Variants in LDLRAD4 observed in about 807,000 individuals in gnomAD.
The protein encoded by LDLRAD4 is low-density lipoprotein receptor class A domain-containing protein 4.
A neutral mutation model predicts 17.0 loss-of-function variants in LDLRAD4; 5 were observed. The observed-to-expected ratio is 0.29, with a 90% CI of 0.15 to 0.62. LDLRAD4 has a LOEUF of 0.62. LDLRAD4 is among the 20% of genes least tolerant of loss of function. LDLRAD4 has a pLI of 0.84. For synonymous variants in LDLRAD4, 168 were observed against 171.8 expected (o/e 0.98, Z 0.17); for missense variants, 340 against 424.7 (o/e 0.80, Z 1.75).
chr18:13,554,186 C>T (rs1012323514), intron 3 of LDLRAD4, among the ~76,000 whole-genome samples: 4 of 152,168 alleles, frequency 2.6e-5, no homozygotes, highest in Non-Finnish European at 4.4e-5. Context: ...ATAAGAAGTA[C>T]AAGCATTAAA....
intron 3 of LDLRAD4, among the ~76,000 whole-genome samples, chr18:13,511,051 A>T (rs1269128378): frequency 6.6e-6 from 1 of 152,176 alleles, no homozygotes; most frequent in African/African-American, 2.4e-5. Flanking sequence ...TGGGAGCAAC[A>T]TTCTTCAAGC....
At chr18:13,487,332 G>A (rs2093251316) in intron 3 of LDLRAD4, 1 of 152,432 alleles carries the variant, frequency 6.6e-6, no homozygotes, top group South Asian at 2.1e-4. Flanking sequence ...GGCCCTTGCT[G>A]TTGGGTCGGG....
At chr18:13,529,434 G>GA (rs1056974205) in intron 3 of LDLRAD4, among the ~76,000 whole-genome samples, 1 of 152,196 alleles carries the variant, frequency 6.6e-6, no homozygotes, top group African/African-American at 2.4e-5. Context: ...AGTAGAAAAT[G>GA]AAAAAATGCA....
intron 2 of LDLRAD4, among the ~76,000 whole-genome samples, chr18:13,430,827 C>A (rs546762954): frequency 4.6e-5 from 7 of 152,342 alleles, no homozygotes; most frequent in African/African-American, 1.2e-4. Flanking sequence ...CCAGCCCCCT[C>A]GCTGACGTCA....
chr18:13,443,931 C>A (rs1277585658), intron 3 of LDLRAD4, among the ~76,000 whole-genome samples: 1 of 152,194 alleles, frequency 6.6e-6, no homozygotes, highest in African/African-American at 2.4e-5. Flanking sequence ...CGCCTCGGTA[C>A]AGCTCTTCCA....
chr18:13,469,062 A>C (rs1036395029), intron 3 of LDLRAD4, among the ~76,000 whole-genome samples: 1 of 152,166 alleles, frequency 6.6e-6, no homozygotes, highest in African/African-American at 2.4e-5. Flanking sequence ...CAAACACAAA[A>C]ATGGGCAAAG....
chr18:13,581,047 T>C (rs763736846), intron 3 of LDLRAD4, among the ~76,000 whole-genome samples: 3 of 152,230 alleles, frequency 2.0e-5, no homozygotes, highest in Non-Finnish European at 4.4e-5. Context: ...AATATTTGCA[T>C]ATACAGAATG....
intron 3 of LDLRAD4, among the ~76,000 whole-genome samples, chr18:13,550,163 A>G (rs919980085): frequency 6.6e-6 from 1 of 152,326 alleles, no homozygotes; most frequent in Admixed American, 6.5e-5. Flanking sequence ...CCACAACATG[A>G]CAATGTAAGT....
chr18:13,291,785 G>A (rs2045976964), intron 1 of LDLRAD4, among the ~76,000 whole-genome samples: 1 of 152,134 alleles, frequency 6.6e-6, no homozygotes, highest in South Asian at 2.1e-4. Flanking sequence ...ATTTTCTCTT[G>A]CATTCTTGAG....
chr18:13,594,464 C>T lies in LDLRAD4; in HGVS notation c.182-26653C>T, dbSNP rs376000885. Among the ~76,000 whole-genome samples, 49 of 151,846 alleles carry T rather than the reference C, an allele frequency of 3.2e-4. No individual in the cohort carries two copies. The South Asian group carries it at 8.7e-3, about 27-fold the overall frequency. On this transcript the variant is annotated intron_variant, in intron 3 of 5. Transcript: ENST00000359446. ...CCAGCACTTTGGAGGCCAAGGCGGACGGATCACTTAAGGCCAGCATGGTGA... is the reference window on the plus strand; with the variant it reads ...CCAGCACTTTGGAGGCCAAGGCGGATGGATCACTTAAGGCCAGCATGGTGA...
intron 3 of LDLRAD4, among the ~76,000 whole-genome samples, chr18:13,482,734 G>A (rs1256220309): frequency 6.6e-6 from 1 of 152,230 alleles, no homozygotes; most frequent in Non-Finnish European, 1.5e-5. Flanking sequence ...GGCCCTGGGG[G>A]AGGTAGTGAC....
intron 1 of LDLRAD4, among the ~76,000 whole-genome samples, chr18:13,370,715 T>TTTTTTTTTCGTTTG: frequency 8.3e-6 from 1 of 121,004 alleles, no homozygotes; most frequent in South Asian, 2.6e-4. Flanking sequence ...TTTGTTTTGT[T>TTTTTTTTTCGTTTG]TTTTTTTTTT....
At chr18:13,649,196 C>G (rs2043138186) in exon 6 of LDLRAD4, 1 of 152,242 alleles carries the variant, frequency 6.6e-6, no homozygotes, top group Admixed American at 6.5e-5. Context: ...CCTCCTGACA[C>G]CAGCAGAGGA....
chr18:13,439,508 C>T (rs1410962475), intron 3 of LDLRAD4, among the ~76,000 whole-genome samples: 1 of 152,246 alleles, frequency 6.6e-6, no homozygotes, highest in South Asian at 2.1e-4. Context: ...AGTCCCATCT[C>T]TATACTTTGC....
chr18:13,397,410 C>T (rs756799333), intron 2 of LDLRAD4, among the ~76,000 whole-genome samples: 3 of 152,178 alleles, frequency 2.0e-5, no homozygotes, highest in Non-Finnish European at 2.9e-5. Context: ...CCCAAACTGA[C>T]TTTTGTTTTT....
chr18:13,292,232 A>G (rs2046003959), intron 1 of LDLRAD4, among the ~76,000 whole-genome samples: 1 of 152,146 alleles, frequency 6.6e-6, no homozygotes, highest in Admixed American at 6.5e-5. Flanking sequence ...GCACGTGGCA[A>G]ACAGCAGCAC....
chr18:13,623,834 G>A (rs1004179262), intron 4 of LDLRAD4, among the ~76,000 whole-genome samples: 2 of 152,120 alleles, frequency 1.3e-5, no homozygotes, highest in South Asian at 2.1e-4. Context: ...ATGCCCCCAC[G>A]CAGCCAGGCT....
At chr18:13,639,397 T>G (rs1463544853) in intron 4 of LDLRAD4, among the ~76,000 whole-genome samples, 1 of 152,148 alleles carries the variant, frequency 6.6e-6, no homozygotes, top group Non-Finnish European at 1.5e-5. Context: ...AGTCACAGAG[T>G]CACACCCTCG....
intron 1 of LDLRAD4, among the ~76,000 whole-genome samples, chr18:13,318,078 C>T (rs2081024541): frequency 6.6e-6 from 1 of 152,158 alleles, no homozygotes; most frequent in African/African-American, 2.4e-5. Context: ...CGGTCCCTCG[C>T]TTCCTGTCCT....
Sources: allele counts gnomAD v4.1 joint callset (sites outside exome capture counted in the v4.1 genomes callset), GRCh38; gene constraint gnomAD v4.1.1; transcripts MANE v1.5; gene names NCBI Gene and HGNC (gene_info 2026-07-23, HGNC 2026-07-21).